Variants in CPNE8 observed in about 807,000 individuals in gnomAD.
CPNE8 encodes copine 8, also known as copine-8.
CPNE8 carries 45 observed loss-of-function variants against 81.5 expected under a neutral mutation model. That is an observed-to-expected ratio of 0.55 (90% CI 0.44 to 0.71). The LOEUF (loss-of-function observed/expected upper bound fraction) is 0.71, where lower values mean the gene tolerates loss of function less well. Ranked by LOEUF, CPNE8 falls within the 30% of genes least tolerant of loss-of-function variation. The pLI is 0.00. For synonymous variants in CPNE8, 252 were observed against 226.3 expected (o/e 1.11, Z -1.02); for missense variants, 594 against 672.1 (o/e 0.88, Z 1.28).
At chr12:38,902,880 A>G (rs1368652782) in intron 1 of CPNE8, among the ~76,000 whole-genome samples, 1 of 152,166 alleles carries the variant, frequency 6.6e-6, no homozygotes, top group Non-Finnish European at 1.5e-5. Flanking sequence ...GCTTTCACAC[A>G]TCACCTTGAT....
At chr12:38,834,096 A>G (rs1025848104) in intron 5 of CPNE8, among the ~76,000 whole-genome samples, 5 of 152,172 alleles carry the variant, frequency 3.3e-5, no homozygotes, top group Admixed American at 6.5e-5. Context: ...GATGAAAGCC[A>G]TTGGAGGGTT....
chr12:38,889,208 G>GAGAC (rs1420387617), intron 1 of CPNE8, among the ~76,000 whole-genome samples: 2 of 152,120 alleles, frequency 1.3e-5, no homozygotes, highest in Non-Finnish European at 2.9e-5. Context: ...TTCCATTAAG[G>GAGAC]AGACAGATTT....
chr12:38,812,527 G>A (rs1942955074), intron 6 of CPNE8, among the ~76,000 whole-genome samples: 1 of 152,196 alleles, frequency 6.6e-6, no homozygotes, highest in South Asian at 2.1e-4. Context: ...TCACTATCAT[G>A]AGAACAGCAG....
intron 11 of CPNE8, among the ~76,000 whole-genome samples, chr12:38,728,721 G>A (rs1178146286): frequency 6.6e-6 from 1 of 152,112 alleles, no homozygotes; most frequent in Non-Finnish European, 1.5e-5. Flanking sequence ...CTAATGGCTG[G>A]AAATTTTTTT....
intron 3 of CPNE8, among the ~76,000 whole-genome samples, chr12:38,855,810 A>T (rs1943722469): frequency 6.6e-6 from 1 of 152,146 alleles, no homozygotes; most frequent in African/African-American, 2.4e-5. Flanking sequence ...GTAAACATAT[A>T]AAATATCACA....
intron 10 of CPNE8, among the ~76,000 whole-genome samples, chr12:38,748,755 G>A (rs1258046555): frequency 6.6e-6 from 1 of 151,970 alleles, no homozygotes; most frequent in African/African-American, 2.4e-5. Flanking sequence ...CACCATAACA[G>A]TATTTTTAAG....
intron 10 of CPNE8, among the ~76,000 whole-genome samples, chr12:38,743,157 C>T (rs1215301845): frequency 6.6e-6 from 1 of 151,924 alleles, no homozygotes; most frequent in African/African-American, 2.4e-5. Context: ...ATCAAAAAAG[C>T]AAACCCGTTT....
intron 4 of CPNE8, among the ~76,000 whole-genome samples, chr12:38,845,089 C>T (rs1044156715): frequency 5.3e-5 from 8 of 152,060 alleles, no homozygotes; most frequent in African/African-American, 1.9e-4. Flanking sequence ...CAAACACCTA[C>T]TCCAAGAACT....
intron 10 of CPNE8, among the ~76,000 whole-genome samples, chr12:38,759,995 A>C (rs1941540989): frequency 6.6e-6 from 1 of 152,170 alleles, no homozygotes; most frequent in Admixed American, 6.5e-5. Flanking sequence ...TGGCTTGTAC[A>C]CAATGCAGAG....
intron 1 of CPNE8, among the ~76,000 whole-genome samples, chr12:38,887,734 T>A (rs940713429): frequency 6.6e-6 from 1 of 152,208 alleles, no homozygotes; most frequent in Non-Finnish European, 1.5e-5. Flanking sequence ...GGAAACTAAC[T>A]TATCTGAACT....
intron 4 of CPNE8, among the ~76,000 whole-genome samples, chr12:38,840,511 C>G (rs1329598105): frequency 6.6e-6 from 1 of 152,092 alleles, no homozygotes; most frequent in Non-Finnish European, 1.5e-5. Context: ...TTTTTTACAA[C>G]TTCACGTGAA....
intron 19 of CPNE8, among the ~76,000 whole-genome samples, chr12:38,670,316 A>T (rs4238079): frequency 0.76 from 114,934 of 152,114 alleles, 48,064 homozygotes; most frequent in Non-Finnish European, 0.94. Flanking sequence ...TGCAACTATT[A>T]AGTTGAATTA....
Position 38,880,431 on chromosome 12 carries a change from G to T in CPNE8, c.99-5920C>A, listed in dbSNP as rs540935438. Among the ~76,000 whole-genome samples the T allele has an allele frequency of 4.6e-5, 7 of 152,220 alleles. No individual in the cohort carries two copies. The East Asian group carries it at 1.4e-3, about 29-fold the overall frequency. ...ACCATCTTTTTTCACTTTAGGTAAG[G>T]TTAGGTGTTTTATTATAGAAGGCAG... On this transcript the variant is annotated intron_variant, in intron 1 of 19. Coordinates refer to ENST00000331366, the MANE Select transcript of CPNE8 (RefSeq NM_153634.3).
chr12:38,827,058 G>A lies in CPNE8; in HGVS notation c.407+2321C>T, dbSNP rs571541449. On this transcript the variant is annotated intron_variant, in intron 6 of 19. Coordinates refer to ENST00000331366, the MANE Select transcript of CPNE8 (RefSeq NM_153634.3). ...TTAGCAGGGTGCCACACGTGCGCCT[G>A]TAATCCCAGCTACTCGGGAGGCTGA... Among the ~76,000 whole-genome samples the A allele has an allele frequency of 2.7e-5, 4 of 149,988 alleles. No homozygotes were observed. The South Asian group carries it at 6.4e-4, about 24-fold the overall frequency.
At chr12:38,772,686 C>A (rs1297673511) in intron 7 of CPNE8, among the ~76,000 whole-genome samples, 1 of 152,132 alleles carries the variant, frequency 6.6e-6, no homozygotes, top group East Asian at 1.9e-4. Context: ...ATTAGTGCAG[C>A]CACTGTGGAA....
intron 19 of CPNE8, among the ~76,000 whole-genome samples, chr12:38,655,745 T>C (rs1938801908): frequency 6.6e-6 from 1 of 152,070 alleles, no homozygotes; most frequent in South Asian, 2.1e-4. Flanking sequence ...TATAGTGCCT[T>C]TTATGCAATG....
intron 3 of CPNE8, 34 bp downstream of exon 3, chr12:38,872,970 C>T: frequency 8.0e-7 from 1 of 1,243,300 alleles, no homozygotes; most frequent in South Asian, 1.2e-5. Flanking sequence ...TATCTTCAAG[C>T]CCAGTGATTT....
At chr12:38,782,883 T>C (rs931710408) in intron 6 of CPNE8, among the ~76,000 whole-genome samples, 10 of 152,068 alleles carry the variant, frequency 6.6e-5, no homozygotes, top group Non-Finnish European at 1.3e-4. Context: ...TCTCACTATG[T>C]TGCCTAAGCT....
At position 38,776,578 on chromosome 12, in the gene CPNE8, G is replaced by A. The variant is rs116759477; in HGVS notation, c.408-277C>T. ...GCTCCCCTCGGCCTCCCAAAGTGCC[G>A]GTATTACAGGCATGAGCTACCACAC... On this transcript the variant is annotated intron_variant, in intron 6 of 19. Transcript: ENST00000331366. Among the ~76,000 whole-genome samples, 365 of 151,882 alleles carry A rather than the reference G, an allele frequency of 2.4e-3. 2 individuals carry two copies. Among genetic ancestry groups the A allele is most frequent in the African/African-American group, 7.9e-3 (327 of 41,438 alleles).
Sources: allele counts gnomAD v4.1 joint callset (sites outside exome capture counted in the v4.1 genomes callset), GRCh38; gene constraint gnomAD v4.1.1; transcripts MANE v1.5; gene names NCBI Gene and HGNC (gene_info 2026-07-23, HGNC 2026-07-21).